Variants in KLHL13 observed in about 807,000 individuals in gnomAD.
The protein encoded by KLHL13 is kelch-like protein 13.
KLHL13 carries 10 observed loss-of-function variants against 37.1 expected under a neutral mutation model. That is an observed-to-expected ratio of 0.27 (90% confidence interval 0.17 to 0.46). KLHL13 has a LOEUF of 0.46. Among genes scored for constraint, KLHL13 ranks in the 20% least tolerant of loss-of-function variants. The probability of loss-of-function intolerance (pLI) is 1.00; values close to 1 mark genes in which losing one functional copy is unlikely to be tolerated. For missense variants in KLHL13, 360 were observed against 509.3 expected, an observed-to-expected ratio of 0.71 and a Z score of 2.82; for synonymous variants, 163 against 181.2, an observed-to-expected ratio of 0.90 and a Z score of 0.81.
chrX:118,071,748 A>C (rs1380233623), intron 1 of KLHL13, among the ~76,000 whole-genome samples: 5 of 104,805 alleles, frequency 4.8e-5, no homozygotes, highest in African/African-American at 1.8e-4. Flanking sequence ...AAGAGAATAA[A>C]ATACCTAGGA....
Position 118,089,608 on chromosome X carries a change from G to GAGAGAGAGAA in KLHL13, c.-56+26899_-56+26900insTTCTCTCTCT, listed in dbSNP as rs2055097128. Among the ~76,000 whole-genome samples the GAGAGAGAGAA allele has an allele frequency of 5.0e-5, 3 of 59,629 alleles. No individual in the cohort carries two copies. The Admixed American group carries it at 6.3e-4, about 13-fold the overall frequency. 51.8% of individuals were successfully genotyped at this position (59,629 alleles called of 115,157 possible). A position where few individuals can be genotyped will look rare whatever the true frequency, so the allele number is the denominator to read the frequency against. The stretch of plus-strand genomic sequence containing the variant: ...AAGAAAAGAGAGAGAGAGAGAGAGA[G>GAGAGAGAGAA]AGAGAAAGAAAGAGAAAGAAAGAAA... On this transcript the variant is annotated intron_variant, in intron 1 of 6. Transcript: ENST00000371882.
intron 1 of KLHL13, among the ~76,000 whole-genome samples, chrX:117,997,464 G>A (rs2053867726): frequency 9.0e-6 from 1 of 111,359 alleles, no homozygotes; most frequent in Non-Finnish European, 1.9e-5. Context: ...CATAACTGGA[G>A]GTAAGTTTCA....
At chrX:118,111,040 G>C (rs945247879) in intron 1 of KLHL13, among the ~76,000 whole-genome samples, 14 of 112,095 alleles carry the variant, frequency 1.2e-4, no homozygotes, top group African/African-American at 4.5e-4. Flanking sequence ...ACTATTATGA[G>C]CAAGCTATTG....
chrX:117,909,304 G>A, exon 5 of KLHL13: 1 of 1,178,182 alleles, frequency 8.5e-7, no homozygotes, highest in Non-Finnish European at 1.1e-6. Context: ...CACTTACGCA[G>A]TTCACCTGCT....
intron 1 of KLHL13, among the ~76,000 whole-genome samples, chrX:118,017,506 C>G (rs1003300436): frequency 5.4e-5 from 6 of 111,088 alleles, no homozygotes; most frequent in African/African-American, 1.6e-4. Context: ...GGACGTCAGG[C>G]AAAAGATGAG....
At chrX:117,953,961 T>A (rs747266927) in intron 1 of KLHL13, among the ~76,000 whole-genome samples, 2 of 111,734 alleles carry the variant, frequency 1.8e-5, no homozygotes, top group Non-Finnish European at 3.8e-5. Context: ...ATAACTCAGA[T>A]GAAATTTGGG....
chrX:118,051,853 C>T (rs1375580311), intron 1 of KLHL13, among the ~76,000 whole-genome samples: 2 of 111,104 alleles, frequency 1.8e-5, no homozygotes, highest in African/African-American at 6.5e-5. Context: ...GTCCAATAAG[C>T]TTAAAAAAGA....
rs776873250 is a variant in KLHL13, at chrX:118,025,558, AT to A, written c.-55-79984del. ...CCCTTATTTAACTTAATAATGGCCC[AT>A]AGTGCAAGAATAGTGATACTGGTGA... On this transcript the variant is annotated intron_variant, in intron 1 of 6. Transcript: ENST00000371882. 3.6e-5 allele frequency among the ~76,000 whole-genome samples: 4 copies of A among 111,079 alleles called. No individual in the cohort carries two copies. The East Asian group carries it at 8.5e-4, about 24-fold the overall frequency.
At chrX:118,011,690 G>C (rs1233729809) in intron 1 of KLHL13, among the ~76,000 whole-genome samples, 2 of 111,244 alleles carry the variant, frequency 1.8e-5, no homozygotes, top group Admixed American at 1.9e-4. Context: ...ACACCTGAGT[G>C]AATGGTGGTG....
At chrX:117,984,166 T>C (rs995939965) in intron 1 of KLHL13, among the ~76,000 whole-genome samples, 2 of 111,677 alleles carry the variant, frequency 1.8e-5, no homozygotes, top group African/African-American at 6.5e-5. Context: ...CTAGCTCTTT[T>C]GGGCTAATAC....
intron 1 of KLHL13, among the ~76,000 whole-genome samples, chrX:118,032,846 C>A (rs184222963): frequency 0.16 from 17,662 of 110,361 alleles, 1,851 homozygotes; most frequent in African/African-American, 0.38. Flanking sequence ...ACTTTGAAAA[C>A]AATTTAGAAG....
At chrX:118,091,776 T>A (rs1379068734) in intron 1 of KLHL13, among the ~76,000 whole-genome samples, 1 of 110,524 alleles carries the variant, frequency 9.0e-6, no homozygotes, top group Non-Finnish European at 1.9e-5. Flanking sequence ...AAATCCCAAA[T>A]TGAATATACC....
intron 1 of KLHL13, among the ~76,000 whole-genome samples, chrX:118,008,257 A>T (rs1466632638): frequency 8.9e-6 from 1 of 112,161 alleles, no homozygotes; most frequent in Non-Finnish European, 1.9e-5. Context: ...AGACTGAAAA[A>T]GGAGGGAAGT....
intron 1 of KLHL13, among the ~76,000 whole-genome samples, chrX:118,072,666 C>T (rs1569309186): frequency 9.0e-6 from 1 of 111,683 alleles, no homozygotes. Context: ...AAAAAGTGGG[C>T]GAAGGACATG....
In KLHL13 at chrX:117,909,774, G is replaced by A. The variant is rs779479984; in HGVS notation, c.893C>T (p.Thr298Met). ...ATTGTCAGTTCTCATGAAATCCACC[G>A]TTTGCACGTAATTAATGAGCTCCTG... The change falls in exon 5 of 7, where the codon ACG becomes ATG. Residue 298 changes from threonine to methionine, a missense_variant. Physicochemically the swap from Thr to Met is moderately conservative, Grantham distance 81. Coordinates refer to ENST00000262820, the Ensembl canonical transcript of KLHL13. 4.9e-5 allele frequency: 59 copies of A among 1,208,679 alleles called. No individual in the cohort carries two copies. The South Asian group carries it at 4.9e-4, about 10-fold the overall frequency.
At chrX:118,044,419 A>G (rs1389462964) in intron 1 of KLHL13, among the ~76,000 whole-genome samples, 1 of 85,789 alleles carries the variant, frequency 1.2e-5, no homozygotes, top group Non-Finnish European at 2.3e-5. Flanking sequence ...CAGAATTGCC[A>G]AAGTTACTCT....
chrX:118,014,640 T>C (rs2054107057), intron 1 of KLHL13, among the ~76,000 whole-genome samples: 1 of 112,575 alleles, frequency 8.9e-6, no homozygotes. Flanking sequence ...GCAGCTCAAG[T>C]GGATATCACA....
At chrX:118,089,441 T>C (rs929061625) in intron 1 of KLHL13, among the ~76,000 whole-genome samples, 15 of 108,813 alleles carry the variant, frequency 1.4e-4, no homozygotes, top group Non-Finnish European at 2.7e-4. Flanking sequence ...GAGAGGTCAA[T>C]TAGGAAACCT....
chrX:117,901,212 G>T (rs1380116663), intron 6 of KLHL13, among the ~76,000 whole-genome samples: 1 of 111,306 alleles, frequency 9.0e-6, no homozygotes, highest in Non-Finnish European at 1.9e-5. Flanking sequence ...ATGCATAGGA[G>T]AACTTATATG....
Sources: allele counts gnomAD v4.1 joint callset (sites outside exome capture counted in the v4.1 genomes callset), GRCh38; gene constraint gnomAD v4.1.1; transcripts MANE v1.5; gene names NCBI Gene and HGNC (gene_info 2026-07-23, HGNC 2026-07-21).